Variants in IFT88 observed in about 807,000 individuals in gnomAD.
The protein encoded by IFT88 is intraflagellar transport 88.
A neutral mutation model predicts 119.5 loss-of-function variants in IFT88; 74 were observed. That is an observed-to-expected ratio of 0.62 (90% confidence interval 0.51 to 0.75). The LOEUF is 0.75. Among genes scored for constraint, IFT88 ranks in the 30% least tolerant of loss-of-function variants. IFT88 has a pLI of 0.00. For missense variants in IFT88, 961 were observed against 977.7 expected, an observed-to-expected ratio of 0.98 and a Z score of 0.23; for synonymous variants, 279 against 316.7, an observed-to-expected ratio of 0.88 and a Z score of 1.26.
intron 20 of IFT88, among the ~76,000 whole-genome samples, chr13:20,650,977 A>G (rs2051557855): frequency 6.6e-6 from 1 of 152,136 alleles, no homozygotes; most frequent in African/African-American, 2.4e-5. Context: ...AAATCAATTT[A>G]CCATATATAT....
At chr13:20,673,609 G>T (rs2056232873) in intron 24 of IFT88, among the ~76,000 whole-genome samples, 1 of 152,168 alleles carries the variant, frequency 6.6e-6, no homozygotes, top group South Asian at 2.1e-4. Context: ...CTCGGCCAGG[G>T]ACCTCCTCCA....
intron 3 of IFT88, among the ~76,000 whole-genome samples, chr13:20,588,358 T>C (rs2138573019): frequency 6.6e-6 from 1 of 152,302 alleles, no homozygotes; most frequent in Admixed American, 6.5e-5. Context: ...TTAAAGTCTA[T>C]GTGTGATATT....
rs74038927 is a variant in IFT88, at chr13:20,571,776, G to T, written c.-6-2604G>T. 4.9e-3 allele frequency among the ~76,000 whole-genome samples: 748 copies of T among 152,308 alleles called. 6 individuals are homozygous for T. The highest frequency in any genetic ancestry group is 0.017 in the African/African-American group (707 of 41,568). On this transcript the variant is annotated intron_variant, in intron 1 of 25. Transcript: ENST00000351808. ...GAAGCTGGCAAGTTCTAATTGGTGGGTAGCTGTGGTGGGCACAATTAGTCC... is the reference window on the plus strand; with the variant it reads ...GAAGCTGGCAAGTTCTAATTGGTGGTTAGCTGTGGTGGGCACAATTAGTCC...
chr13:20,650,826 C>G (rs1051802176), intron 20 of IFT88, among the ~76,000 whole-genome samples: 1 of 152,004 alleles, frequency 6.6e-6, no homozygotes. Flanking sequence ...AATGAAAAAT[C>G]CAAAAAGGAA....
intron 1 of IFT88, among the ~76,000 whole-genome samples, chr13:20,569,446 G>A (rs563762303): frequency 7.3e-5 from 11 of 151,714 alleles, no homozygotes; most frequent in South Asian, 2.1e-4. Flanking sequence ...GGTGGCGGGC[G>A]CCTGTAGTCC....
At chr13:20,660,707 CACAAATAT>C in intron 22 of IFT88, among the ~76,000 whole-genome samples, 1 of 152,048 alleles carries the variant, frequency 6.6e-6, no homozygotes, top group East Asian at 1.9e-4. Flanking sequence ...AGGGTAATTG[CACAAATAT>C]AGCTCTGGGA....
At chr13:20,576,683 G>A (rs1365519863) in intron 2 of IFT88, among the ~76,000 whole-genome samples, 1 of 152,150 alleles carries the variant, frequency 6.6e-6, no homozygotes, top group African/African-American at 2.4e-5. Flanking sequence ...CACTGTAGAT[G>A]TCTAGATTTG....
intron 22 of IFT88, among the ~76,000 whole-genome samples, chr13:20,657,822 CA>C (rs2053105499): frequency 6.6e-6 from 1 of 151,924 alleles, no homozygotes; most frequent in African/African-American, 2.4e-5. Flanking sequence ...ACAATGAACA[CA>C]AAAGAATGCA....
At chr13:20,597,699 T>A (rs535569519) in intron 9 of IFT88, among the ~76,000 whole-genome samples, 16 of 149,672 alleles carry the variant, frequency 1.1e-4, no homozygotes, top group South Asian at 2.1e-4. Context: ...AGCCAAGATC[T>A]TGCCACCACA....
chr13:20,683,662 T>G (rs1281696707), intron 24 of IFT88, among the ~76,000 whole-genome samples: 1 of 152,208 alleles, frequency 6.6e-6, no homozygotes, highest in East Asian at 1.9e-4. Context: ...CGCTCCTGTA[T>G]CTACCAATCC....
At chr13:20,646,586 G>T (rs2050791288) in intron 20 of IFT88, among the ~76,000 whole-genome samples, 1 of 151,996 alleles carries the variant, frequency 6.6e-6, no homozygotes, top group African/African-American at 2.4e-5. Flanking sequence ...CCAAAGTGCT[G>T]GGATTACAGG....
intron 25 of IFT88, 115 bp downstream of exon 25, chr13:20,690,930 A>T: frequency 7.1e-7 from 1 of 1,409,732 alleles, no homozygotes. Context: ...GATAAAATTT[A>T]AAATGACTTG....
chr13:20,596,897 G>A (rs1037504219), intron 8 of IFT88, 118 bp from the exon 9 acceptor site: 13 of 589,618 alleles, frequency 2.2e-5, no homozygotes, highest in Middle Eastern at 2.7e-4. Flanking sequence ...ACACAGGGGT[G>A]TCTTGAGGAA....
chr13:20,602,666 C>T (rs1373177414), intron 12 of IFT88, among the ~76,000 whole-genome samples: 1 of 152,096 alleles, frequency 6.6e-6, no homozygotes, highest in South Asian at 2.1e-4. Context: ...GGGCAGATTG[C>T]GAGGTCAGTA....
At chr13:20,672,122 T>C (rs892951194) in intron 24 of IFT88, among the ~76,000 whole-genome samples, 1 of 152,116 alleles carries the variant, frequency 6.6e-6, no homozygotes, top group Non-Finnish European at 1.5e-5. Context: ...TTCCTAGGGA[T>C]AGAAACTGCA....
intron 15 of IFT88, among the ~76,000 whole-genome samples, chr13:20,626,825 A>G (rs988644882): frequency 2.0e-5 from 3 of 152,176 alleles, no homozygotes; most frequent in Non-Finnish European, 4.4e-5. Context: ...AGTCTGTAAC[A>G]CCAGTGGTTA....
At chr13:20,591,533 C>A in intron 5 of IFT88, 85 bp from the exon 6 acceptor site, 1 of 918,510 alleles carries the variant, frequency 1.1e-6, no homozygotes. Flanking sequence ...TTAAATAGGG[C>A]TATATTAAGG....
At chr13:20,627,184 T>A (rs188502548) in intron 15 of IFT88, among the ~76,000 whole-genome samples, 6 of 152,338 alleles carry the variant, frequency 3.9e-5, no homozygotes, top group Admixed American at 2.0e-4. Flanking sequence ...AAAAGACTTT[T>A]CAAAGTATCT....
At chr13:20,612,089 A>G (rs529407253) in intron 13 of IFT88, 2 of 150,968 alleles carry the variant, frequency 1.3e-5, no homozygotes, top group East Asian at 3.9e-4. Flanking sequence ...TAAAACTGTT[A>G]GAATAAATGA....
Sources: gnomAD v4.1 joint callset for allele counts (sites outside exome capture counted in the v4.1 genomes callset) on GRCh38, gnomAD v4.1.1 for gene constraint, MANE v1.5 for transcripts, NCBI Gene and HGNC (gene_info 2026-07-23, HGNC 2026-07-21) for gene names.